The following ATRX variants were observed in gnomAD, a reference collection of about 807,000 sequenced individuals.
ATRX encodes the protein ATRX chromatin remodeler.
A neutral mutation model predicts 172.6 loss-of-function variants in ATRX; 12 were observed. That is an observed-to-expected ratio of 0.07 (90% CI 0.04 to 0.11). The LOEUF (loss-of-function observed/expected upper bound fraction) is 0.11, where lower values mean the gene tolerates loss of function less well. Among genes scored for constraint, ATRX ranks in the 10% least tolerant of loss-of-function variants. The probability of loss-of-function intolerance (pLI) is 1.00; values close to 1 mark genes in which losing one functional copy is unlikely to be tolerated. For missense variants in ATRX, 1,368 were observed against 1,767.4 expected (o/e 0.77, Z 4.05); for synonymous variants, 674 against 594.7 (o/e 1.13, Z -1.94).
At chrX:77,722,153 A>T (rs1038999993) in intron 1 of ATRX, among the ~76,000 whole-genome samples, 18 of 111,590 alleles carry the variant, frequency 1.6e-4, no homozygotes, top group African/African-American at 5.9e-4. Flanking sequence ...CTCCTTCCTT[A>T]CACATTATAT....
intron 15 of ATRX, among the ~76,000 whole-genome samples, chrX:77,647,167 T>C (rs1451356219): frequency 1.8e-5 from 2 of 111,297 alleles, no homozygotes; most frequent in Non-Finnish European, 3.8e-5. Flanking sequence ...AATAAGTAAC[T>C]AAAGGATCAA....
chrX:77,534,491 A>G (rs1191963161), intron 30 of ATRX, among the ~76,000 whole-genome samples: 1 of 112,060 alleles, frequency 8.9e-6, no homozygotes, highest in Non-Finnish European at 1.9e-5. Flanking sequence ...TTTATCCTGT[A>G]AAAGCATGCA....
At chrX:77,533,531 C>A (rs781868213) in intron 30 of ATRX, among the ~76,000 whole-genome samples, 2 of 111,543 alleles carry the variant, frequency 1.8e-5, no homozygotes, top group East Asian at 5.7e-4. Flanking sequence ...AATGAAGGAA[C>A]AGAAAACCAA....
chrX:77,755,218 A>G (rs1423695444), intron 1 of ATRX, among the ~76,000 whole-genome samples: 1 of 112,341 alleles, frequency 8.9e-6, no homozygotes, highest in African/African-American at 3.2e-5. Flanking sequence ...TGGTTATTCT[A>G]GTTAGCAGTT....
intron 30 of ATRX, among the ~76,000 whole-genome samples, chrX:77,549,338 T>C (rs782086072): frequency 6.7e-4 from 75 of 111,787 alleles, no homozygotes; most frequent in Admixed American, 1.3e-3. Flanking sequence ...TGAACTGAGA[T>C]TGCAGCACTG....
chrX:77,645,358 T>G (rs1488222377), intron 15 of ATRX, among the ~76,000 whole-genome samples: 1 of 111,461 alleles, frequency 9.0e-6, no homozygotes, highest in Non-Finnish European at 1.9e-5. Flanking sequence ...AGTCTGGTCT[T>G]AAGCTCCTGG....
intron 1 of ATRX, among the ~76,000 whole-genome samples, chrX:77,720,635 G>T (rs914935725): frequency 9.0e-6 from 1 of 111,438 alleles, no homozygotes. Flanking sequence ...GGAAGAAGTC[G>T]AATCCCTGAA....
rs782169215 is a variant in ATRX at position 77,508,451 on chromosome X, T to C, written c.7379A>G (p.Tyr2460Cys). The C allele has an allele frequency of 2.5e-6, 3 of 1,211,816 alleles. No individual in the cohort carries two copies. Among genetic ancestry groups the C allele is most frequent in the South Asian group, 1.8e-5 (1 of 57,008 alleles). ...NYQQIDMRGMYQPVAGGMQPP... is the reference protein window; with the variant it reads ...NYQQIDMRGMCQPVAGGMQPP... ...CTGCATACCACCAGCCACTGGCTGA[T>C]ACATTCCTCTCATATCAATCTGCTG... The change falls in exon 35 of 35, where the codon TAT becomes TGT. Residue 2460 changes from tyrosine (Y) to cysteine (C), a missense_variant. By Grantham distance (194) the Tyr-to-Cys change is radical. Transcript: ENST00000373344.
At chrX:77,603,040 T>C (rs782769064) in intron 22 of ATRX, among the ~76,000 whole-genome samples, 2 of 110,233 alleles carry the variant, frequency 1.8e-5, no homozygotes, top group African/African-American at 3.3e-5. Context: ...ATAAATAAAA[T>C]AGACATGAAG....
chrX:77,682,209 G>A lies in ATRX; in HGVS notation c.3047C>T (p.Thr1016Ile), dbSNP rs1557138288. The change falls in exon 9 of 35, where the codon ACT becomes ATT. Residue 1016 changes from threonine to isoleucine, a missense_variant. Transcript: ENST00000373344. ...TTCTTCTCGCTCAGGTAACTTTTCA[G>A]TGCCATCAGATGAAGATTCATACTG... ...EQQYESSSDG[T>I]EKLPEREEIC... 8.3e-7 allele frequency: 1 copy of A among 1,210,119 alleles called. No homozygotes were observed. The highest frequency in any genetic ancestry group is 1.8e-5 in the South Asian group (1 of 56,742).
rs192057045 is a variant in ATRX at position 77,522,365 on chromosome X, T to C, written c.6873A>G (p.Ile2291Met). The C allele has an allele frequency of 8.3e-6, 10 of 1,208,806 alleles. No individual in the cohort carries two copies. The East Asian group carries it at 2.1e-4, about 25-fold the overall frequency. The change falls in exon 32 of 35, where the codon ATA becomes ATG. Residue 2291 changes from isoleucine (I) to methionine (M), a missense_variant. Physicochemically the swap from Ile to Met is conservative, Grantham distance 10. This residue lies in a region of ATRX where 100 missense variants were observed against 153.9 expected (regional missense o/e 0.65). Transcript: ENST00000373344. Reference protein sequence around the residue: ...EKKGLTMRFNIPTGTNLPPVS... With the variant: ...EKKGLTMRFNMPTGTNLPPVS... ...CAGGGGGTAAATTGGTCCCAGTTGG[T>C]ATGTTGAAACGCATGGTCAGTCCCT...
At position 77,548,412 on chromosome X, in the gene ATRX, A is replaced by T. The variant is rs1331153353; in HGVS notation, c.6699+9039T>A. Among the ~76,000 whole-genome samples the T allele has an allele frequency of 6.3e-5, 7 of 111,351 alleles. No homozygotes were observed. The East Asian group carries it at 8.4e-4, about 13-fold the overall frequency. ...ACAAAAAAATCCAAAACCTGTGATT[A>T]AAAAAAAGGCAAAGAAGTAGGAGAC... On this transcript the variant is annotated intron_variant, in intron 30 of 34. Transcript: ENST00000373344.
Position 77,508,164 on chromosome X carries a change from C to T in ATRX, c.*187G>A, listed in dbSNP as rs782558620. ...TGTGTAAGAAGATTCTAGGCAACAT[C>T]ACTGACAAATGTCAGGAAGAAATGG... On this transcript the variant is annotated 3_prime_UTR_variant, in exon 35 of 35. Transcript: ENST00000373344. 1.2e-4 allele frequency: 56 copies of T among 470,255 alleles called. No individual in the cohort carries two copies. In the African/African-American group the frequency reaches 1.4e-3, roughly 11 times the overall value. 38.8% of individuals were successfully genotyped at this position (470,255 alleles called of 1,213,427 possible).
intron 1 of ATRX, among the ~76,000 whole-genome samples, chrX:77,726,422 A>G (rs2148794531): frequency 1.0e-5 from 1 of 97,419 alleles, no homozygotes; most frequent in African/African-American, 3.8e-5. Context: ...GAATTCAACA[A>G]TGAAAACACT....
At chrX:77,650,146 T>A (rs1163791232) in intron 15 of ATRX, among the ~76,000 whole-genome samples, 5 of 111,966 alleles carry the variant, frequency 4.5e-5, no homozygotes, top group Admixed American at 9.5e-5. Flanking sequence ...TAATACTATG[T>A]GGAAATGCAA....
At position 77,508,246 on chromosome X, in the gene ATRX, G is replaced by A; in HGVS notation, c.*105C>T. The stretch of plus-strand genomic sequence containing the variant: ...CTAATATGGAAGATTGGCATTTAAG[G>A]GGACCAAACTATTTATACAGTTGAG... On this transcript the variant is annotated 3_prime_UTR_variant, in exon 35 of 35. Coordinates refer to ENST00000373344, the MANE Select transcript of ATRX (RefSeq NM_000489.6). The A allele has an allele frequency of 1.0e-6, 1 of 999,351 alleles. No homozygotes were observed. Among genetic ancestry groups the A allele is most frequent in the Non-Finnish European group, 1.4e-6 (1 of 728,667 alleles). The allele number at this position is 999,351 out of a possible 1,213,427, so 82.4% of individuals were successfully genotyped here. A position where few individuals can be genotyped will look rare whatever the true frequency, so the allele number is the denominator to read the frequency against.
intron 1 of ATRX, among the ~76,000 whole-genome samples, chrX:77,774,466 A>T (rs1603342392): frequency 9.0e-6 from 1 of 111,239 alleles, no homozygotes; most frequent in East Asian, 2.8e-4. Context: ...TCATGAGGTC[A>T]GGAGATCGAG....
At chrX:77,642,949 C>A (rs2068726802) in intron 15 of ATRX, among the ~76,000 whole-genome samples, 1 of 111,136 alleles carries the variant, frequency 9.0e-6, no homozygotes, top group Non-Finnish European at 1.9e-5. Context: ...GGCAACATAG[C>A]AAGACCCTGT....
chrX:77,687,366 G>A (rs886380525), intron 7 of ATRX, among the ~76,000 whole-genome samples: 1 of 110,807 alleles, frequency 9.0e-6, no homozygotes, highest in Non-Finnish European at 1.9e-5. Context: ...ACCATGCAAG[G>A]TAGGACATAT....
Sources: allele counts gnomAD v4.1 joint callset (sites outside exome capture counted in the v4.1 genomes callset), GRCh38; gene constraint gnomAD v4.1.1; regional missense constraint gnomAD v4.1.1; transcripts MANE v1.5; gene names NCBI Gene and HGNC (gene_info 2026-07-23, HGNC 2026-07-21).